The following CPB1 variants were observed in gnomAD, a reference collection of about 807,000 sequenced individuals.
The protein encoded by CPB1 is carboxypeptidase B.
CPB1 carries 53 observed loss-of-function variants against 51.4 expected under a neutral mutation model. That is an observed-to-expected ratio of 1.03 (90% confidence interval 0.83 to 1.30). CPB1 has a LOEUF of 1.30. CPB1 is among the 50% of genes most tolerant of loss of function. The pLI is 0.00. For synonymous variants in CPB1, 189 were observed against 186.9 expected, an observed-to-expected ratio of 1.01 and a Z score of -0.09; for missense variants, 494 against 516.2, an observed-to-expected ratio of 0.96 and a Z score of 0.42.
intron 9 of CPB1, among the ~76,000 whole-genome samples, chr3:148,853,011 A>G (rs1461909073): frequency 6.6e-6 from 1 of 152,180 alleles, no homozygotes; most frequent in African/African-American, 2.4e-5. Context: ...CCAAAATTAT[A>G]AAAGTTAAGT....
At chr3:148,854,245 A>T (rs556079619) in intron 9 of CPB1, 1 of 152,338 alleles carries the variant, frequency 6.6e-6, no homozygotes, top group East Asian at 1.9e-4. Context: ...TCTGCTAGAA[A>T]ATTCTGTGTT....
At chr3:148,839,361 C>A (rs184192364) in intron 3 of CPB1, among the ~76,000 whole-genome samples, 2 of 152,238 alleles carry the variant, frequency 1.3e-5, no homozygotes, top group East Asian at 3.9e-4. Context: ...TGCTAACCTA[C>A]AGAACTATAA....
chr3:148,857,379 C>T (rs546710942), intron 9 of CPB1, 78 bp from the exon 10 acceptor site: 2 of 1,129,638 alleles, frequency 1.8e-6, no homozygotes, highest in African/African-American at 3.1e-5. Context: ...CTTTGAATGC[C>T]TTAAAAATAA....
At chr3:148,837,861 A>G (rs1188893256) in intron 3 of CPB1, among the ~76,000 whole-genome samples, 1 of 152,090 alleles carries the variant, frequency 6.6e-6, no homozygotes, top group Non-Finnish European at 1.5e-5. Context: ...TATTGATGAA[A>G]ATGTTTAATA....
chr3:148,833,010 G>C (rs1712787034), intron 2 of CPB1, among the ~76,000 whole-genome samples: 1 of 152,152 alleles, frequency 6.6e-6, no homozygotes, highest in African/African-American at 2.4e-5. Context: ...CACAAATTCA[G>C]AGCTAAGTTT....
chr3:148,857,430 C>T, intron 9 of CPB1, 27 bp from the exon 10 acceptor site: 1 of 1,579,118 alleles, frequency 6.3e-7, no homozygotes, highest in South Asian at 1.1e-5. Context: ...TTATTTATTT[C>T]CTTACTTATT....
intron 3 of CPB1, chr3:148,838,294 GGGTTGGGTGCA>G (rs1712966603): frequency 6.6e-6 from 1 of 151,536 alleles, no homozygotes; most frequent in Admixed American, 6.6e-5. Context: ...TTCAACTCAA[GGGTTGGGTGCA>G]GGTAAGAGGA....
At chr3:148,835,391 A>C (rs757542238) in intron 3 of CPB1, among the ~76,000 whole-genome samples, 1 of 152,196 alleles carries the variant, frequency 6.6e-6, no homozygotes, top group Non-Finnish European at 1.5e-5. Context: ...TGGAAAGAAG[A>C]GTAAAGTGCT....
chr3:148,834,438 C>T (rs571379448), intron 2 of CPB1, 60 bp from the exon 3 acceptor site: 33 of 1,458,090 alleles, frequency 2.3e-5, no homozygotes, highest in Admixed American at 1.2e-4. Flanking sequence ...ATAATGTGCT[C>T]GCAGATTATC....
At chr3:148,859,532 AC>A (rs949406836) in intron 10 of CPB1, among the ~76,000 whole-genome samples, 4 of 152,190 alleles carry the variant, frequency 2.6e-5, no homozygotes, top group African/African-American at 9.7e-5. Flanking sequence ...AGTGTAGTTT[AC>A]CATAGCATAC....
At chr3:148,854,828 T>C (rs1713529296) in intron 9 of CPB1, 1 of 152,120 alleles carries the variant, frequency 6.6e-6, no homozygotes, top group African/African-American at 2.4e-5. Context: ...CTGATAAAAG[T>C]GTGGGCCCCC....
chr3:148,839,688 T>C (rs1017961670), intron 3 of CPB1, among the ~76,000 whole-genome samples: 2 of 152,210 alleles, frequency 1.3e-5, no homozygotes, highest in African/African-American at 4.8e-5. Flanking sequence ...AGGATGTCCC[T>C]GACATACTTC....
intron 3 of CPB1, among the ~76,000 whole-genome samples, chr3:148,837,188 G>A (rs1045662904): frequency 1.3e-5 from 2 of 152,186 alleles, no homozygotes; most frequent in Non-Finnish European, 2.9e-5. Context: ...GCTACAGACT[G>A]TAGAAAGATT....
chr3:148,841,776 T>C, intron 5 of CPB1, 47 bp from the exon 6 acceptor site: 1 of 1,515,390 alleles, frequency 6.6e-7, no homozygotes, highest in East Asian at 2.3e-5. Flanking sequence ...AACCCCTGAA[T>C]GTCCTATGAT....
intron 10 of CPB1, among the ~76,000 whole-genome samples, chr3:148,858,325 C>T (rs1426291029): frequency 6.6e-6 from 1 of 152,080 alleles, no homozygotes; most frequent in African/African-American, 2.4e-5. Flanking sequence ...ATAATCCCAG[C>T]ACTTTGGGAG....
At chr3:148,846,323 T>A (rs990237428) in intron 9 of CPB1, among the ~76,000 whole-genome samples, 1 of 152,148 alleles carries the variant, frequency 6.6e-6, no homozygotes, top group Non-Finnish European at 1.5e-5. Flanking sequence ...AATAATTTTT[T>A]AAATAAGCAT....
intron 5 of CPB1, 39 bp downstream of exon 5, chr3:148,841,014 C>G: frequency 6.6e-7 from 1 of 1,506,674 alleles, no homozygotes; most frequent in Non-Finnish European, 9.2e-7. Flanking sequence ...TGTCTGAGGG[C>G]TTTAAATCAA....
At chr3:148,843,367 A>G (rs1316906902) in intron 6 of CPB1, among the ~76,000 whole-genome samples, 2 of 152,120 alleles carry the variant, frequency 1.3e-5, no homozygotes, top group South Asian at 2.1e-4. Context: ...TGCTTTAAAT[A>G]TATAATAATA....
chr3:148,830,791 C>CA (rs1273570072), intron 2 of CPB1, among the ~76,000 whole-genome samples: 1 of 151,954 alleles, frequency 6.6e-6, no homozygotes, highest in Non-Finnish European at 1.5e-5. Context: ...AGACAGAAGC[C>CA]AAAAAACAGT....
Sources: gnomAD v4.1 joint callset for allele counts (sites outside exome capture counted in the v4.1 genomes callset) on GRCh38, gnomAD v4.1.1 for gene constraint, MANE v1.5 for transcripts, NCBI Gene and HGNC (gene_info 2026-07-23, HGNC 2026-07-21) for gene names.